The following EYS variants were observed in gnomAD, a reference collection of about 807,000 sequenced individuals.
The protein encoded by EYS is protein eyes shut homolog.
Under a neutral mutation model 282.1 loss-of-function variants are expected in EYS, and 250 were observed. That is an observed-to-expected ratio of 0.89 (90% CI 0.80 to 0.98). The LOEUF is 0.98. Among genes scored for constraint, EYS ranks in the 50% least tolerant of loss-of-function variants. The pLI is 0.00. For missense variants in EYS, 4,016 were observed against 3,709.0 expected, an observed-to-expected ratio of 1.08 and a Z score of -2.15; for synonymous variants, 1,355 against 1,282.9, an observed-to-expected ratio of 1.06 and a Z score of -1.20.
At chr6:65,112,074 T>C (rs1049707971) in intron 12 of EYS, among the ~76,000 whole-genome samples, 1 of 152,136 alleles carries the variant, frequency 6.6e-6, no homozygotes, top group Non-Finnish European at 1.5e-5. Context: ...AGAGCAGTTT[T>C]TCTGATGACC....
intron 26 of EYS, among the ~76,000 whole-genome samples, chr6:64,552,474 T>C (rs540081363): frequency 1.4e-3 from 208 of 152,248 alleles, no homozygotes; most frequent in African/African-American, 4.8e-3. Flanking sequence ...ACATTTACAA[T>C]GTCTTCTCTC....
intron 12 of EYS, among the ~76,000 whole-genome samples, chr6:65,262,949 A>G (rs1767656725): frequency 6.6e-6 from 1 of 152,172 alleles, no homozygotes; most frequent in Non-Finnish European, 1.5e-5. Context: ...AGTCCATTGT[A>G]TAACTCGGGT....
chr6:65,373,928 T>C (rs552372971), intron 8 of EYS, among the ~76,000 whole-genome samples: 70 of 152,338 alleles, frequency 4.6e-4, no homozygotes, highest in Middle Eastern at 3.4e-3. Flanking sequence ...ATATTTTCCC[T>C]GGATACATGT....
intron 14 of EYS, among the ~76,000 whole-genome samples, chr6:64,995,242 G>A (rs1771211446): frequency 6.6e-6 from 1 of 152,106 alleles, no homozygotes; most frequent in African/African-American, 2.4e-5. Flanking sequence ...CTTTATATAT[G>A]TTGCCCTACA....
At chr6:63,850,452 G>T (rs1772217450) in intron 36 of EYS, among the ~76,000 whole-genome samples, 1 of 152,156 alleles carries the variant, frequency 6.6e-6, no homozygotes, top group East Asian at 1.9e-4. Flanking sequence ...ACCCACAAAG[G>T]GAAGCCCATC....
At chr6:65,515,823 G>A (rs1468912170) in intron 2 of EYS, among the ~76,000 whole-genome samples, 1 of 148,560 alleles carries the variant, frequency 6.7e-6, no homozygotes, top group African/African-American at 2.5e-5. Context: ...GATAGCATTA[G>A]GAGATATACC....
At chr6:65,047,683 G>C (rs975988338) in intron 13 of EYS, among the ~76,000 whole-genome samples, 10 of 151,874 alleles carry the variant, frequency 6.6e-5, no homozygotes, top group African/African-American at 2.4e-4. Flanking sequence ...GGATTACTAA[G>C]TGTGATTGGA....
intron 7 of EYS, among the ~76,000 whole-genome samples, chr6:65,389,769 GT>G (rs1292688810): frequency 1.1e-4 from 17 of 152,046 alleles, no homozygotes; most frequent in Non-Finnish European, 2.2e-4. Context: ...AATACATTAA[GT>G]TTGAGCTTCT....
intron 5 of EYS, among the ~76,000 whole-genome samples, chr6:65,459,021 G>A (rs1764725763): frequency 1.3e-5 from 2 of 151,974 alleles, no homozygotes; most frequent in African/African-American, 4.8e-5. Flanking sequence ...TTAAATTGTT[G>A]ATATTTAATA....
chr6:64,197,102 G>T (rs888877860), intron 31 of EYS, among the ~76,000 whole-genome samples: 4 of 152,084 alleles, frequency 2.6e-5, no homozygotes, highest in African/African-American at 9.7e-5. Context: ...CCAACTTGCA[G>T]AGATTCAATA....
intron 7 of EYS, among the ~76,000 whole-genome samples, chr6:65,393,842 CA>C (rs200731865): frequency 3.4e-5 from 5 of 146,846 alleles, no homozygotes; most frequent in Admixed American, 6.8e-5. Context: ...GAGTAGAAAA[CA>C]AAAAAAAACA....
At chr6:63,880,736 A>G (rs995452229) in intron 35 of EYS, among the ~76,000 whole-genome samples, 8 of 152,238 alleles carry the variant, frequency 5.3e-5, no homozygotes, top group Admixed American at 5.2e-4. Flanking sequence ...TAATCCTGAA[A>G]GGGGTAATTT....
At chr6:64,701,384 T>C (rs755367097) in intron 22 of EYS, among the ~76,000 whole-genome samples, 22 of 151,808 alleles carry the variant, frequency 1.4e-4, no homozygotes, top group Non-Finnish European at 2.9e-4. Flanking sequence ...ATCAACAGGG[T>C]CAACAGACAA....
intron 31 of EYS, among the ~76,000 whole-genome samples, chr6:64,180,233 A>T (rs548043222): frequency 2.0e-5 from 3 of 152,134 alleles, no homozygotes; most frequent in Non-Finnish European, 4.4e-5. Flanking sequence ...AAAAGACAAG[A>T]TATCCCAGAG....
chr6:64,459,728 C>T (rs527390022), intron 26 of EYS, among the ~76,000 whole-genome samples: 103 of 152,288 alleles, frequency 6.8e-4, no homozygotes, highest in African/African-American at 2.3e-3. Flanking sequence ...CTTCACTCCA[C>T]TTTCTTCTGC....
intron 26 of EYS, among the ~76,000 whole-genome samples, chr6:64,545,221 C>A (rs943755714): frequency 6.6e-6 from 1 of 152,098 alleles, no homozygotes; most frequent in Non-Finnish European, 1.5e-5. Context: ...TCAACATACG[C>A]AAATCAATAA....
Position 63,990,427 on chromosome 6 carries a change from G to C in EYS, c.6835-5824C>G, listed in dbSNP as rs559461092. Among the ~76,000 whole-genome samples, 12 of 151,832 alleles carry C rather than the reference G, an allele frequency of 7.9e-5. No individual in the cohort carries two copies. In the South Asian group the frequency reaches 2.5e-3, roughly 32 times the overall value. ...CCCCAACATAGCATGGCATGATGAA[G>C]AGAAAACTCCCAGCTTCCAGTTTTG... On this transcript the variant is annotated intron_variant, in intron 34 of 42. Coordinates refer to ENST00000503581, the MANE Select transcript of EYS (RefSeq NM_001142800.2).
At chr6:64,626,446 T>A (rs1211004451) in intron 22 of EYS, among the ~76,000 whole-genome samples, 1 of 152,084 alleles carries the variant, frequency 6.6e-6, no homozygotes, top group Non-Finnish European at 1.5e-5. Flanking sequence ...TCTGTGAATG[T>A]GAATTTATTT....
chr6:64,330,166 G>A (rs1385420703), intron 29 of EYS, among the ~76,000 whole-genome samples: 1 of 152,206 alleles, frequency 6.6e-6, no homozygotes, highest in Non-Finnish European at 1.5e-5. Context: ...TTCGTGTTCT[G>A]TGGGAGGCTG....
Sources: gnomAD v4.1 joint callset for allele counts (sites outside exome capture counted in the v4.1 genomes callset) on GRCh38, gnomAD v4.1.1 for gene constraint, MANE v1.5 for transcripts, NCBI Gene and HGNC (gene_info 2026-07-23, HGNC 2026-07-21) for gene names.